The following WWOX variants were observed in gnomAD, a reference collection of about 807,000 sequenced individuals.
WWOX encodes WW domain containing oxidoreductase.
WWOX carries 69 observed loss-of-function variants against 46.2 expected under a neutral mutation model. The observed-to-expected ratio is 1.49, with a 90% CI of 1.23 to 1.82. The LOEUF (loss-of-function observed/expected upper bound fraction) is 1.82, where lower values mean the gene tolerates loss of function less well. WWOX is among the 40% of genes most tolerant of loss of function. The probability of loss-of-function intolerance (pLI) is 0.00; values close to 1 mark genes in which losing one functional copy is unlikely to be tolerated. For missense variants in WWOX, 919 were observed against 542.6 expected, an observed-to-expected ratio of 1.69 and a Z score of -6.89; for synonymous variants, 359 against 202.6, an observed-to-expected ratio of 1.77 and a Z score of -6.56.
chr16:78,217,794 G>A (rs1232800787), intron 5 of WWOX, among the ~76,000 whole-genome samples: 4 of 152,190 alleles, frequency 2.6e-5, no homozygotes, highest in Non-Finnish European at 5.9e-5. Flanking sequence ...TCTGTGTGCT[G>A]TGCAGGCCGT....
intron 8 of WWOX, among the ~76,000 whole-genome samples, chr16:79,053,270 A>G (rs1172359446): frequency 6.6e-6 from 1 of 152,272 alleles, no homozygotes; most frequent in Middle Eastern, 3.4e-3. Context: ...TTTCCCCTAC[A>G]TAAATTTATT....
intron 8 of WWOX, among the ~76,000 whole-genome samples, chr16:79,152,483 A>C (rs1477617487): frequency 2.0e-5 from 3 of 152,156 alleles, no homozygotes; most frequent in African/African-American, 7.2e-5. Flanking sequence ...CATTCTGGCC[A>C]ACATGGTGAA....
intron 8 of WWOX, among the ~76,000 whole-genome samples, chr16:78,537,044 G>A (rs1419428987): frequency 2.0e-5 from 3 of 151,910 alleles, no homozygotes; most frequent in African/African-American, 4.8e-5. Flanking sequence ...AACGTCCTGA[G>A]AAGCTGGGAC....
chr16:78,974,742 G>C (rs1173600451), intron 8 of WWOX, among the ~76,000 whole-genome samples: 1 of 152,158 alleles, frequency 6.6e-6, no homozygotes, highest in East Asian at 1.9e-4. Context: ...CCCACACTTG[G>C]TCTCTGGTGT....
At chr16:78,337,636 C>T (rs1254669391) in intron 5 of WWOX, among the ~76,000 whole-genome samples, 1 of 152,086 alleles carries the variant, frequency 6.6e-6, no homozygotes, top group Non-Finnish European at 1.5e-5. Context: ...TCTAAAAGTC[C>T]CCTGAAAGTG....
At chr16:78,165,346 G>T (rs1298982494) in intron 5 of WWOX, among the ~76,000 whole-genome samples, 1 of 152,216 alleles carries the variant, frequency 6.6e-6, no homozygotes, top group East Asian at 1.9e-4. Flanking sequence ...CACTGTCTTT[G>T]TAGAGCTTTC....
intron 8 of WWOX, among the ~76,000 whole-genome samples, chr16:78,852,466 G>A (rs1278345501): frequency 2.0e-5 from 3 of 152,186 alleles, no homozygotes; most frequent in Non-Finnish European, 4.4e-5. Flanking sequence ...GCTTCCAACA[G>A]TCAGACCAGA....
At position 78,802,937 on chromosome 16, in the gene WWOX, A is replaced by AAAC. The variant is rs2050931603; in HGVS notation, c.1056+370187_1056+370188insCAA. 3.0e-5 allele frequency among the ~76,000 whole-genome samples: 3 copies of AAAC among 99,524 alleles called. 1 individual carries two copies. The highest frequency in any genetic ancestry group is 5.9e-5 in the Non-Finnish European group (3 of 50,438). 65.3% of individuals were successfully genotyped at this position (99,524 alleles called of 152,430 possible). On this transcript the variant is annotated intron_variant, in intron 8 of 8. Coordinates refer to ENST00000566780, the MANE Select transcript of WWOX (RefSeq NM_016373.4). Reference sequence around the variant, plus strand: ...TCTGAAAAAAAAAAAAAAAAAAAAAAAAAAACAACAAACAGAAAAATGAAC... The same window carrying AAAC: ...TCTGAAAAAAAAAAAAAAAAAAAAAAAACAAAAACAACAAACAGAAAAATGAAC...
chr16:78,742,839 A>C (rs367698193), intron 8 of WWOX, among the ~76,000 whole-genome samples: 12 of 152,178 alleles, frequency 7.9e-5, no homozygotes, highest in East Asian at 7.7e-4. Context: ...GTGAACAGCC[A>C]TTGCGAGTCT....
In WWOX at chr16:79,211,871, C is replaced by G. The variant is rs925316511; in HGVS notation, c.*75C>G. On this transcript the variant is annotated 3_prime_UTR_variant, in exon 9 of 9. Transcript: ENST00000566780. ...TCACGCAAGTGCCAGGGCTGGGCCC[C>G]TTCCAAATGTCCCTCCAACACAGAT... 1.9e-6 allele frequency: 3 copies of G among 1,593,456 alleles called. No individual in the cohort carries two copies. The African/African-American group carries it at 4.0e-5, about 21-fold the overall frequency.
At chr16:78,134,431 C>T (rs28607706) in intron 4 of WWOX, among the ~76,000 whole-genome samples, 50,475 of 151,906 alleles carry the variant, frequency 0.33, 9,062 homozygotes, top group African/African-American at 0.47. Context: ...TTGAGCCCCT[C>T]TTCTCTTAGT....
chr16:79,154,888 T>G (rs1037908576), intron 8 of WWOX, among the ~76,000 whole-genome samples: 3 of 152,234 alleles, frequency 2.0e-5, no homozygotes, highest in Non-Finnish European at 4.4e-5. Flanking sequence ...GTTTCCTGTT[T>G]AATACATATC....
At chr16:78,277,689 T>C (rs1487378786) in intron 5 of WWOX, among the ~76,000 whole-genome samples, 2 of 152,002 alleles carry the variant, frequency 1.3e-5, no homozygotes, top group Non-Finnish European at 2.9e-5. Context: ...TTTGCATGAT[T>C]TGTGGGGCCG....
At chr16:79,009,088 G>T (rs112994785) in intron 8 of WWOX, among the ~76,000 whole-genome samples, 9 of 152,292 alleles carry the variant, frequency 5.9e-5, no homozygotes, top group African/African-American at 1.7e-4. Flanking sequence ...GCTGGCAGAG[G>T]GGGCAGAGGT....
intron 8 of WWOX, among the ~76,000 whole-genome samples, chr16:78,770,832 G>A (rs1377200720): frequency 1.3e-5 from 2 of 152,264 alleles, no homozygotes; most frequent in Non-Finnish European, 2.9e-5. Flanking sequence ...AATGCTAAAT[G>A]TGCCTGGTAC....
chr16:78,578,090 G>C (rs2044935444), intron 8 of WWOX, among the ~76,000 whole-genome samples: 1 of 151,372 alleles, frequency 6.6e-6, no homozygotes, highest in African/African-American at 2.4e-5. Flanking sequence ...GCTTCCGAAA[G>C]TACTTAGATA....
At chr16:78,836,193 G>C (rs867492617) in intron 8 of WWOX, among the ~76,000 whole-genome samples, 34 of 151,594 alleles carry the variant, frequency 2.2e-4, no homozygotes, top group African/African-American at 6.5e-4. Context: ...TTTTTTAACA[G>C]TTAGATTTAC....
At chr16:78,402,728 G>A (rs988382110) in intron 6 of WWOX, among the ~76,000 whole-genome samples, 6 of 152,200 alleles carry the variant, frequency 3.9e-5, no homozygotes, top group Non-Finnish European at 1.5e-5. Flanking sequence ...AGAAGTGACA[G>A]GCTGATTCTA....
intron 7 of WWOX, among the ~76,000 whole-genome samples, chr16:78,426,660 T>A (rs1247372586): frequency 1.3e-5 from 2 of 152,126 alleles, no homozygotes; most frequent in Non-Finnish European, 2.9e-5. Flanking sequence ...CATCGTTATT[T>A]ATTATTACTG....
Sources: gnomAD v4.1 joint callset for allele counts (sites outside exome capture counted in the v4.1 genomes callset) on GRCh38, gnomAD v4.1.1 for gene constraint, MANE v1.5 for transcripts, NCBI Gene and HGNC (gene_info 2026-07-23, HGNC 2026-07-21) for gene names.